The following CHIC2 variants were observed in gnomAD, a reference collection of about 807,000 sequenced individuals.
CHIC2 encodes cysteine-rich hydrophobic domain-containing protein 2.
In CHIC2, 14 loss-of-function variants were observed where a neutral mutation model predicts 25.9. That is an observed-to-expected ratio of 0.54 (90% CI 0.36 to 0.85). The LOEUF (loss-of-function observed/expected upper bound fraction) is 0.85, where lower values mean the gene tolerates loss of function less well. Ranked by LOEUF, CHIC2 falls within the 40% of genes least tolerant of loss-of-function variation. The probability of loss-of-function intolerance (pLI) is 0.01; values close to 1 mark genes in which losing one functional copy is unlikely to be tolerated. For synonymous variants in CHIC2, 70 were observed against 72.0 expected, an observed-to-expected ratio of 0.97 and a Z score of 0.14; for missense variants, 146 against 202.0, an observed-to-expected ratio of 0.72 and a Z score of 1.68.
chr4:54,063,300 G>A (rs1717393707), intron 1 of CHIC2, among the ~76,000 whole-genome samples: 1 of 152,230 alleles, frequency 6.6e-6, no homozygotes, highest in Admixed American at 6.5e-5. Context: ...AAATGAGAGA[G>A]TATCAATGTA....
intron 1 of CHIC2, among the ~76,000 whole-genome samples, chr4:54,057,673 T>C (rs2110092077): frequency 6.6e-6 from 1 of 152,184 alleles, no homozygotes; most frequent in East Asian, 1.9e-4. Flanking sequence ...ACCCAGAGCT[T>C]TGTGCAATAC....
chr4:54,085,224 A>G, the CHIC2 span, among the ~76,000 whole-genome samples: 1 of 152,214 alleles, frequency 6.6e-6, no homozygotes, highest in Non-Finnish European at 1.5e-5. Flanking sequence ...TTTTATATTT[A>G]CATCTATCTT....
rs1717449377 is a variant in CHIC2 at position 54,064,510 on chromosome 4, TAAC to T, written c.-213_-211del. ...CCGCCGCCGCCATTACCATCAGCAA[TAAC>T]AACAACACAATGTCAACATCCGCCC... is the stretch of plus-strand genomic sequence containing the variant. On this transcript the variant is annotated 5_prime_UTR_variant, in exon 1 of 6. Coordinates refer to ENST00000263921, the MANE Select transcript of CHIC2 (RefSeq NM_012110.4). This position sits in a 1 kb window ranked among gnomAD's most constrained non-coding sequence, Gnocchi z 4.2. 2 of 1,427,572 alleles carry T rather than the reference TAAC, an allele frequency of 1.4e-6. No homozygotes were observed. The highest frequency in any genetic ancestry group is 1.8e-6 in the Non-Finnish European group (2 of 1,098,688). The allele number at this position is 1,427,572 out of a possible 1,614,324, so 88.4% of individuals were successfully genotyped here.
intron 1 of CHIC2, among the ~76,000 whole-genome samples, chr4:54,054,393 C>T (rs138357227): frequency 6.6e-6 from 1 of 152,126 alleles, no homozygotes; most frequent in African/African-American, 2.4e-5. Context: ...ACGAATTTTG[C>T]TTTTTAAATG....
upstream of CHIC2, among the ~76,000 whole-genome samples, chr4:54,066,072 A>G (rs1717511730): frequency 6.6e-6 from 1 of 152,208 alleles, no homozygotes; most frequent in Non-Finnish European, 1.5e-5. Context: ...AGCAATTGTC[A>G]TCTCTGCCAG....
chr4:54,021,274 G>A (rs890252782), intron 3 of CHIC2, among the ~76,000 whole-genome samples: 2 of 152,130 alleles, frequency 1.3e-5, no homozygotes, highest in Non-Finnish European at 2.9e-5. Context: ...ATGGTCTGAG[G>A]TGCCTGACAT....
intron 1 of CHIC2, among the ~76,000 whole-genome samples, chr4:54,054,317 T>G (rs1383210568): frequency 6.6e-6 from 1 of 152,228 alleles, no homozygotes; most frequent in Non-Finnish European, 1.5e-5. Context: ...CTCCTCATAT[T>G]AACAATGTCT....
At chr4:54,048,788 C>T (rs1166349999) in intron 3 of CHIC2, 167 bp downstream of exon 3, 2 of 501,232 alleles carry the variant, frequency 4.0e-6, no homozygotes, top group Non-Finnish European at 6.8e-6. Flanking sequence ...AATAACAGCA[C>T]TTGGATATAT....
chr4:54,073,951 T>G, the CHIC2 span, among the ~76,000 whole-genome samples: 12 of 152,130 alleles, frequency 7.9e-5, no homozygotes, highest in African/African-American at 2.9e-4. Flanking sequence ...GGTCAAGAGA[T>G]GGAGACCATC....
chr4:54,061,364 T>C (rs1323723194), intron 1 of CHIC2, among the ~76,000 whole-genome samples: 2 of 151,982 alleles, frequency 1.3e-5, no homozygotes, highest in Non-Finnish European at 2.9e-5. Context: ...AGAGCAGAAA[T>C]AGTCAATTGT....
the CHIC2 span, among the ~76,000 whole-genome samples, chr4:54,075,174 C>A: frequency 6.6e-6 from 1 of 152,102 alleles, no homozygotes; most frequent in African/African-American, 2.4e-5. Flanking sequence ...GTGTCAATAT[C>A]CAGGGTATAA....
the CHIC2 span, among the ~76,000 whole-genome samples, chr4:54,075,431 T>C: frequency 1.1e-4 from 16 of 152,246 alleles, no homozygotes; most frequent in African/African-American, 3.4e-4. Flanking sequence ...TATCTTTTTA[T>C]GCTGTAGTTA....
chr4:54,026,138 G>C (rs983083598), intron 3 of CHIC2, among the ~76,000 whole-genome samples: 2 of 152,156 alleles, frequency 1.3e-5, no homozygotes, highest in Admixed American at 1.3e-4. Flanking sequence ...GGAAATGATG[G>C]AGCTCGGATC....
rs1717428336 is a variant in CHIC2, at chr4:54,064,158, C to G, written c.119+24G>C. On this transcript the variant is annotated intron_variant, in intron 1 of 5. Coordinates refer to ENST00000263921, the MANE Select transcript of CHIC2 (RefSeq NM_012110.4). The surrounding 1 kb of genome is among the most constrained non-coding windows in gnomAD (Gnocchi z 4.2). ...GGCCCACCCCAGCCCGCACCTCCCG[C>G]CCTCGCCCTCCTCCGGGCCTTACAC... The G allele has an allele frequency of 1.3e-6, 2 of 1,584,304 alleles. No homozygotes were observed. Among genetic ancestry groups the G allele is most frequent in the Middle Eastern group, 1.8e-4 (1 of 5,550 alleles).
intron 1 of CHIC2, among the ~76,000 whole-genome samples, chr4:54,054,253 T>C (rs1464392281): frequency 6.6e-6 from 1 of 152,258 alleles, no homozygotes; most frequent in African/African-American, 2.4e-5. Context: ...TTCAAGTCCA[T>C]CTAATCCTCT....
the CHIC2 span, among the ~76,000 whole-genome samples, chr4:54,085,548 C>G: frequency 6.6e-6 from 1 of 152,152 alleles, no homozygotes; most frequent in Admixed American, 6.5e-5. Context: ...GGGCATCGAG[C>G]CAAGTCCAGA....
At chr4:54,043,908 C>T (rs1716678886) in intron 3 of CHIC2, among the ~76,000 whole-genome samples, 1 of 152,198 alleles carries the variant, frequency 6.6e-6, no homozygotes, top group African/African-American at 2.4e-5. Flanking sequence ...TCAGGAAACA[C>T]ATCTCACGTG....
the CHIC2 span, among the ~76,000 whole-genome samples, chr4:54,081,334 G>T: frequency 2.0e-5 from 3 of 151,756 alleles, no homozygotes; most frequent in East Asian, 3.9e-4. Context: ...TATAAGATGG[G>T]CATGATACCC....
At chr4:54,060,187 T>A (rs1717289092) in intron 1 of CHIC2, 1 of 151,024 alleles carries the variant, frequency 6.6e-6, no homozygotes, top group South Asian at 2.1e-4. Flanking sequence ...GTGATGTCTC[T>A]TATTCAAAAG....
Sources: gnomAD v4.1 joint callset for allele counts (sites outside exome capture counted in the v4.1 genomes callset) on GRCh38, gnomAD v4.1.1 for gene constraint, Gnocchi (gnomAD v3.1) non-coding constraint, MANE v1.5 for transcripts, NCBI Gene and HGNC (gene_info 2026-07-23, HGNC 2026-07-21) for gene names.